Variants in TAFA5 observed in about 807,000 individuals in gnomAD.
The protein encoded by TAFA5 is chemokine-like protein TAFA-5.
TAFA5 carries 6 observed loss-of-function variants against 15.3 expected under a neutral mutation model. That is an observed-to-expected ratio of 0.39 (90% confidence interval 0.21 to 0.77). TAFA5 has a LOEUF of 0.77. Among genes scored for constraint, TAFA5 ranks in the 30% least tolerant of loss-of-function variants. The pLI is 0.41. For synonymous variants in TAFA5, 103 were observed against 80.7 expected, an observed-to-expected ratio of 1.28 and a Z score of -1.48; for missense variants, 161 against 193.1, an observed-to-expected ratio of 0.83 and a Z score of 0.98.
intron 1 of TAFA5, among the ~76,000 whole-genome samples, chr22:48,584,574 C>G (rs148022669): frequency 6.8e-6 from 1 of 146,570 alleles, no homozygotes; most frequent in Non-Finnish European, 1.5e-5. Flanking sequence ...ATGCACCACA[C>G]GACACAAAAT....
intron 1 of TAFA5, among the ~76,000 whole-genome samples, chr22:48,619,188 A>G (rs990989808): frequency 3.3e-5 from 5 of 152,116 alleles, no homozygotes; most frequent in Admixed American, 6.5e-5. Context: ...ATCTCTGCCC[A>G]TGGTCAGTGG....
At chr22:48,574,776 T>C (rs988710553) in intron 1 of TAFA5, among the ~76,000 whole-genome samples, 1 of 152,220 alleles carries the variant, frequency 6.6e-6, no homozygotes, top group Non-Finnish European at 1.5e-5. Flanking sequence ...GTCTTGGTAC[T>C]GGGCTCTGGG....
At chr22:48,534,838 C>T (rs956894998) in intron 1 of TAFA5, among the ~76,000 whole-genome samples, 4 of 152,118 alleles carry the variant, frequency 2.6e-5, no homozygotes, top group South Asian at 4.1e-4. Flanking sequence ...GGAGCAGCTG[C>T]GCTCAGCGAC....
At chr22:48,501,802 C>T (rs1261663733) in intron 1 of TAFA5, among the ~76,000 whole-genome samples, 3 of 152,238 alleles carry the variant, frequency 2.0e-5, no homozygotes, top group Admixed American at 6.5e-5. Context: ...CAGCCCCTCT[C>T]TGTGCCCCGG....
At chr22:48,646,861 C>G in intron 2 of TAFA5, 115 bp downstream of exon 2, 1 of 1,293,048 alleles carries the variant, frequency 7.7e-7, no homozygotes, top group East Asian at 2.6e-5. Context: ...AGCGCATCCT[C>G]GGGTCAGGCC....
intron 1 of TAFA5, among the ~76,000 whole-genome samples, chr22:48,609,660 C>G (rs559535954): frequency 2.0e-4 from 30 of 152,300 alleles, no homozygotes; most frequent in Non-Finnish European, 4.4e-4. Flanking sequence ...TATGAGTTCC[C>G]CAAGGCTGCT....
At chr22:48,513,032 G>C (rs575362826) in intron 1 of TAFA5, among the ~76,000 whole-genome samples, 1 of 152,156 alleles carries the variant, frequency 6.6e-6, no homozygotes, top group Non-Finnish European at 1.5e-5. Context: ...GGTTTGTGGT[G>C]GGGGGAGTGT....
intron 1 of TAFA5, among the ~76,000 whole-genome samples, chr22:48,554,040 TCCCGCTTCCAGAAC>T (rs1922946834): frequency 6.6e-6 from 1 of 152,204 alleles, no homozygotes; most frequent in Admixed American, 6.5e-5. Flanking sequence ...TTTATCCTGC[TCCCGCTTCCAGAAC>T]CCAGGTCCTC....
At chr22:48,672,561 G>T (rs5771932) in intron 2 of TAFA5, among the ~76,000 whole-genome samples, 31,833 of 152,082 alleles carry the variant, frequency 0.21, 3,413 homozygotes, top group African/African-American at 0.25. Context: ...TAGAATTACA[G>T]CACAAACAGA....
At chr22:48,614,712 C>T (rs1013815147) in intron 1 of TAFA5, among the ~76,000 whole-genome samples, 9 of 152,228 alleles carry the variant, frequency 5.9e-5, no homozygotes, top group Non-Finnish European at 1.3e-4. Flanking sequence ...GGAAACCCTG[C>T]TCCTGTCGCA....
intron 1 of TAFA5, among the ~76,000 whole-genome samples, chr22:48,515,350 C>T (rs1028576560): frequency 6.6e-6 from 1 of 152,260 alleles, no homozygotes; most frequent in Non-Finnish European, 1.5e-5. Context: ...CAGTGGGCTT[C>T]TGCAGGCAGG....
At chr22:48,511,361 T>TTCCTCC (rs569747187) in intron 1 of TAFA5, among the ~76,000 whole-genome samples, 8 of 151,686 alleles carry the variant, frequency 5.3e-5, no homozygotes, top group African/African-American at 7.3e-5. Context: ...TTCCCAGAGC[T>TTCCTCC]TCCTCCTCCT....
chr22:48,600,917 C>T (rs867593255), intron 1 of TAFA5, among the ~76,000 whole-genome samples: 8 of 152,112 alleles, frequency 5.3e-5, no homozygotes, highest in Non-Finnish European at 8.8e-5. Flanking sequence ...GCCTGACACT[C>T]GGTCACGGTG....
intron 3 of TAFA5, among the ~76,000 whole-genome samples, chr22:48,737,353 C>T (rs130218): frequency 0.31 from 47,445 of 152,156 alleles, 8,631 homozygotes; most frequent in Non-Finnish European, 0.42. Flanking sequence ...TTAGGGACCC[C>T]GAGCTGCCCT....
rs1279304034 is a variant in TAFA5 at position 48,576,095 on chromosome 22, G to A, written c.113-70502G>A. On this transcript the variant is annotated intron_variant, in intron 1 of 3. Coordinates refer to ENST00000402357, the MANE Select transcript of TAFA5 (RefSeq NM_001082967.3). ...GCGCAATCCGCGGCCCGCCGTCCGGGCCCTGCTGGCGGTGCGGCTCCGGGG... is the reference window on the plus strand; with the variant it reads ...GCGCAATCCGCGGCCCGCCGTCCGGACCCTGCTGGCGGTGCGGCTCCGGGG... Among the ~76,000 whole-genome samples the A allele has an allele frequency of 3.8e-4, 47 of 123,492 alleles. No homozygotes were observed. The East Asian group carries it at 0.011, about 29-fold the overall frequency. 81.0% of individuals were successfully genotyped at this position (123,492 alleles called of 152,430 possible).
At chr22:48,726,020 C>A (rs2147264078) in intron 3 of TAFA5, among the ~76,000 whole-genome samples, 1 of 152,268 alleles carries the variant, frequency 6.6e-6, no homozygotes, top group African/African-American at 2.4e-5. Flanking sequence ...TGATAACCAT[C>A]CAGGGAATAT....
chr22:48,712,430 C>A (rs1254388328), intron 3 of TAFA5, among the ~76,000 whole-genome samples: 1 of 152,192 alleles, frequency 6.6e-6, no homozygotes, highest in Non-Finnish European at 1.5e-5. Context: ...AGATCATGAC[C>A]AGCATTTAAA....
At position 48,742,892 on chromosome 22, in the gene TAFA5, G is replaced by A. The variant is rs910283373; in HGVS notation, c.391-6947G>A. ...GAGGAGGGCCCTCTGCTGCCTCCATGCAGCCCACACGCGGGGCCCCCACAG... is the reference window on the plus strand; with the variant it reads ...GAGGAGGGCCCTCTGCTGCCTCCATACAGCCCACACGCGGGGCCCCCACAG... On this transcript the variant is annotated intron_variant, in intron 3 of 3. Transcript: ENST00000402357. The surrounding 1 kb of genome is among the most constrained non-coding windows in gnomAD (Gnocchi z 6.2). 1.3e-5 allele frequency among the ~76,000 whole-genome samples: 2 copies of A among 152,150 alleles called. No homozygotes were observed. Among genetic ancestry groups the A allele is most frequent in the Non-Finnish European group, 2.9e-5 (2 of 67,996 alleles).
chr22:48,636,063 G>A (rs112640111), intron 1 of TAFA5, among the ~76,000 whole-genome samples: 8,611 of 152,116 alleles, frequency 0.057, 810 homozygotes, highest in African/African-American at 0.2. Context: ...AGACGGCCAG[G>A]CCGCAGGCAG....
Sources: gnomAD v4.1 joint callset for allele counts (sites outside exome capture counted in the v4.1 genomes callset) on GRCh38, gnomAD v4.1.1 for gene constraint, Gnocchi (gnomAD v3.1) non-coding constraint, MANE v1.5 for transcripts, NCBI Gene and HGNC (gene_info 2026-07-23, HGNC 2026-07-21) for gene names.